Variants in TCF7 observed in about 807,000 individuals in gnomAD.
The protein encoded by TCF7 is T-cell-factor-7.
Under a neutral mutation model 46.8 loss-of-function variants are expected in TCF7, and 19 were observed. That is an observed-to-expected ratio of 0.41 (90% CI 0.28 to 0.60). TCF7 has a LOEUF of 0.60. Ranked by LOEUF, TCF7 falls within the 20% of genes least tolerant of loss-of-function variation. The pLI is 0.35. For synonymous variants in TCF7, 245 were observed against 213.4 expected, an observed-to-expected ratio of 1.15 and a Z score of -1.29; for missense variants, 547 against 504.6, an observed-to-expected ratio of 1.08 and a Z score of -0.81.
At chr5:134,126,865 C>G (rs955374752) in intron 3 of TCF7, among the ~76,000 whole-genome samples, 1 of 151,774 alleles carries the variant, frequency 6.6e-6, no homozygotes, top group Non-Finnish European at 1.5e-5. Flanking sequence ...CCACTGCACT[C>G]CAGCCTGGGC....
At chr5:134,139,905 C>T (rs1016785448) in intron 5 of TCF7, 1 of 152,192 alleles carries the variant, frequency 6.6e-6, no homozygotes, top group African/African-American at 2.4e-5. Context: ...AAGACTACTC[C>T]CATGAATACC....
chr5:134,114,803 C>T lies in TCF7; in HGVS notation c.-104C>T. The T allele has an allele frequency of 3.1e-6, 3 of 967,994 alleles. No individual in the cohort carries two copies. Among genetic ancestry groups the T allele is most frequent in the Non-Finnish European group, 3.7e-6 (3 of 815,916 alleles). 60.0% of individuals were successfully genotyped at this position (967,994 alleles called of 1,614,324 possible). A position where few individuals can be genotyped will look rare whatever the true frequency, so the allele number is the denominator to read the frequency against. ...CAGCCCGCGCTCCGCCCGCCGCGATCCGAGCTCGGAGGTTCGGACTCCGGG... is the reference window on the plus strand; with the variant it reads ...CAGCCCGCGCTCCGCCCGCCGCGATTCGAGCTCGGAGGTTCGGACTCCGGG... On this transcript the variant is annotated 5_prime_UTR_variant, in exon 1 of 10. Coordinates refer to ENST00000342854, the MANE Select transcript of TCF7 (RefSeq NM_003202.5).
chr5:134,112,865 C>T (rs1755352876), upstream of TCF7, among the ~76,000 whole-genome samples: 1 of 152,162 alleles, frequency 6.6e-6, no homozygotes, highest in African/African-American at 2.4e-5. Flanking sequence ...AACACTTCAG[C>T]CTCCACTGAT....
At chr5:134,140,290 C>G (rs145241469) in intron 5 of TCF7, among the ~76,000 whole-genome samples, 2 of 152,324 alleles carry the variant, frequency 1.3e-5, no homozygotes, top group Non-Finnish European at 2.9e-5. Flanking sequence ...ACCTCGTGGG[C>G]AACCCAGGCA....
chr5:134,114,859 C>T lies in TCF7; in HGVS notation c.-48C>T, dbSNP rs1217502677. ...CGCCCCCCGGGCCGGCTCCGCGCCC[C>T]GCACTCCCGGCGCCCAGCGCCCCGC... On this transcript the variant is annotated 5_prime_UTR_variant, in exon 1 of 10. Transcript: ENST00000342854. 94 of 983,152 alleles carry T rather than the reference C, an allele frequency of 9.6e-5. No individual in the cohort carries two copies. The highest frequency in any genetic ancestry group is 1.1e-4 in the Non-Finnish European group (90 of 829,992). The allele number at this position is 983,152 out of a possible 1,614,324, so 60.9% of individuals were successfully genotyped here.
intron 3 of TCF7, among the ~76,000 whole-genome samples, chr5:134,127,949 A>C (rs934279667): frequency 1.6e-4 from 24 of 152,246 alleles, no homozygotes; most frequent in African/African-American, 5.8e-4. Flanking sequence ...GAAAAAAACC[A>C]CAAATATTAG....
At chr5:134,144,510 C>A (rs767638285) in intron 9 of TCF7, 1 of 426,868 alleles carries the variant, frequency 2.3e-6, no homozygotes, top group Non-Finnish European at 4.3e-6. Flanking sequence ...TGCAAGGGCC[C>A]CACAAGCCAC....
At position 134,146,445 on chromosome 5, in the gene TCF7, G is replaced by T. The variant is rs754614607; in HGVS notation, c.*142G>T. The T allele has an allele frequency of 6.7e-6, 6 of 895,144 alleles. No individual in the cohort carries two copies. Among genetic ancestry groups the T allele is most frequent in the Non-Finnish European group, 1.1e-5 (6 of 536,718 alleles). The allele number at this position is 895,144 out of a possible 1,614,324, so 55.5% of individuals were successfully genotyped here. A position where few individuals can be genotyped will look rare whatever the true frequency, so the allele number is the denominator to read the frequency against. On this transcript the variant is annotated 3_prime_UTR_variant, in exon 10 of 10. Coordinates refer to ENST00000342854, the MANE Select transcript of TCF7 (RefSeq NM_003202.5). ...ACTGCTCTCAGCCTCCCAACCCCAG[G>T]GCCCCCACAGGCCCCCCGCAGCACC...
intron 3 of TCF7, among the ~76,000 whole-genome samples, chr5:134,120,391 C>T (rs530169283): frequency 2.0e-5 from 3 of 152,258 alleles, no homozygotes; most frequent in East Asian, 3.9e-4. Flanking sequence ...GATGAGACCC[C>T]GCATCAGCTT....
intron 3 of TCF7, among the ~76,000 whole-genome samples, chr5:134,130,558 A>G (rs989225121): frequency 1.4e-4 from 21 of 152,340 alleles, no homozygotes; most frequent in Non-Finnish European, 2.6e-4. Flanking sequence ...GCTTTTTCTA[A>G]TTAGCACAAA....
Position 134,143,063 on chromosome 5 carries a change from T to G in TCF7, c.989T>G (p.Met330Arg). 1.2e-6 allele frequency: 2 copies of G among 1,611,074 alleles called. No individual in the cohort carries two copies. Among genetic ancestry groups the G allele is most frequent in the Non-Finnish European group, 1.7e-6 (2 of 1,178,698 alleles). ...ELARKERQLH[M>R]QLYPGWSARD... ...GCCCGCAAGGAGAGGCAGCTGCACA[T>G]GCAGCTATACCCAGGCTGGTCAGCG... Residue 330 changes from methionine (M) to arginine (R), a missense_variant, in exon 8 of 10, where the codon ATG becomes AGG. Coordinates refer to ENST00000342854, the MANE Select transcript of TCF7 (RefSeq NM_003202.5).
At chr5:134,117,270 G>T (rs1755956232) in intron 3 of TCF7, among the ~76,000 whole-genome samples, 1 of 152,224 alleles carries the variant, frequency 6.6e-6, no homozygotes, top group Non-Finnish European at 1.5e-5. Flanking sequence ...GTGAGATGGG[G>T]GGTGTGCCCC....
upstream of TCF7, among the ~76,000 whole-genome samples, chr5:134,113,150 G>A (rs1360888232): frequency 6.6e-6 from 1 of 152,224 alleles, no homozygotes; most frequent in Non-Finnish European, 1.5e-5. Context: ...GAGCAGATGA[G>A]GCGAGACTAA....
chr5:134,127,403 T>C (rs2149305311), intron 3 of TCF7, among the ~76,000 whole-genome samples: 1 of 152,342 alleles, frequency 6.6e-6, no homozygotes, highest in Admixed American at 6.5e-5. Context: ...TTGATTCCGA[T>C]TTGGTGCCTG....
rs371776546 is a variant in TCF7 at position 134,145,218 on chromosome 5, A to G, written c.1076-1006A>G. 4.2e-5 allele frequency: 24 copies of G among 570,692 alleles called. No individual in the cohort carries two copies. In the East Asian group the frequency reaches 5.3e-4, roughly 13 times the overall value. The allele number at this position is 570,692 out of a possible 1,614,324, so 35.4% of individuals were successfully genotyped here. ...CCTGGAGCCCATTCTACCAGGCCTC[A>G]AAGTCATTATGGCCCATGGGCTCCC... On this transcript the variant is annotated intron_variant, in intron 9 of 9. Transcript: ENST00000342854.
In TCF7 at chr5:134,114,685, G is replaced by C. The variant is rs1190534678; in HGVS notation, c.-222G>C. ...AGTGCCCGCCCCGCCCCCGGCACTC[G>C]GCCGGCGGCGCCTTTGATGTTCCGA... On this transcript the variant is annotated 5_prime_UTR_variant, in exon 1 of 10. Coordinates refer to ENST00000342854, the MANE Select transcript of TCF7 (RefSeq NM_003202.5). The C allele has an allele frequency of 6.2e-5, 10 of 160,250 alleles. No homozygotes were observed. Among genetic ancestry groups the C allele is most frequent in the Non-Finnish European group, 1.1e-4 (10 of 90,294 alleles). 9.9% of individuals were successfully genotyped at this position (160,250 alleles called of 1,614,324 possible).
intron 2 of TCF7, 41 bp from the exon 3 acceptor site, chr5:134,115,868 T>A: frequency 5.0e-6 from 8 of 1,612,958 alleles, no homozygotes; most frequent in Non-Finnish European, 5.9e-6. Context: ...TCCCAGCCGC[T>A]GCCAGGGCTG....
chr5:134,130,570 GC>G, intron 3 of TCF7, among the ~76,000 whole-genome samples: 1 of 152,214 alleles, frequency 6.6e-6, no homozygotes, highest in Non-Finnish European at 1.5e-5. Flanking sequence ...TAGCACAAAT[GC>G]CCCATGTGAA....
intron 9 of TCF7, chr5:134,144,282 C>G (rs1307169647): frequency 6.0e-6 from 1 of 165,808 alleles, no homozygotes. Flanking sequence ...AGTTCCTAGC[C>G]CTTTTTCCAA....
Sources: allele counts gnomAD v4.1 joint callset (sites outside exome capture counted in the v4.1 genomes callset), GRCh38; gene constraint gnomAD v4.1.1; transcripts MANE v1.5; gene names NCBI Gene and HGNC (gene_info 2026-07-23, HGNC 2026-07-21).